Variants in ESYT3 observed in about 807,000 individuals in gnomAD.
The protein encoded by ESYT3 is extended synaptotagmin 3, also known as extended synaptotagmin-3.
A neutral mutation model predicts 111.5 loss-of-function variants in ESYT3; 101 were observed. The observed-to-expected ratio is 0.91, with a 90% CI of 0.77 to 1.07. The LOEUF (loss-of-function observed/expected upper bound fraction) is 1.07, where lower values mean the gene tolerates loss of function less well. Ranked by LOEUF, ESYT3 falls within the 50% of genes least tolerant of loss-of-function variation. The pLI is 0.00. For synonymous variants in ESYT3, 416 were observed against 446.8 expected (o/e 0.93, Z 0.87); for missense variants, 1,097 against 1,109.4 (o/e 0.99, Z 0.16).
chr3:138,438,574 G>A (rs1369577462), intron 1 of ESYT3, among the ~76,000 whole-genome samples: 7 of 152,186 alleles, frequency 4.6e-5, no homozygotes, highest in African/African-American at 7.2e-5. Flanking sequence ...AGTCATGCAC[G>A]ACTTTCCTGC....
intron 18 of ESYT3, chr3:138,473,157 G>T (rs1485869337): frequency 1.5e-6 from 2 of 1,302,862 alleles, no homozygotes; most frequent in Non-Finnish European, 2.0e-6. Context: ...TTAATATGTA[G>T]AATTATGTAA....
intron 1 of ESYT3, among the ~76,000 whole-genome samples, chr3:138,436,556 A>G (rs1259409966): frequency 6.6e-6 from 1 of 152,198 alleles, no homozygotes; most frequent in East Asian, 1.9e-4. Context: ...TAGCTTACAT[A>G]TTTGGGGGAT....
intron 18 of ESYT3, chr3:138,473,209 A>T (rs2033322237): frequency 9.9e-7 from 1 of 1,014,900 alleles, no homozygotes; most frequent in Non-Finnish European, 1.3e-6. Flanking sequence ...TGGGCTTAGC[A>T]TGTTACCTGA....
rs752988698 is a variant in ESYT3 at position 138,470,849 on chromosome 3, CTT to C, written c.1591-27_1591-26del. On this transcript the variant is annotated intron_variant, in intron 16 of 22. Transcript: ENST00000389567. ...TGGAGTGGTGGGGCTTGGTTATCCT[CTT>C]GTTTTGTGACTGGACCACTGCCCAG... is the stretch of plus-strand genomic sequence containing the variant. The C allele has an allele frequency of 5.0e-6, 8 of 1,613,662 alleles. No homozygotes were observed. The East Asian group carries it at 1.1e-4, about 22-fold the overall frequency.
intron 16 of ESYT3, chr3:138,470,506 A>G (rs1277933447): frequency 4.5e-6 from 5 of 1,114,676 alleles, no homozygotes; most frequent in Non-Finnish European, 4.4e-6. Flanking sequence ...AGAGTAAGCA[A>G]AGAGAGGCAA....
chr3:138,471,313 T>G (rs2033209787), intron 17 of ESYT3, among the ~76,000 whole-genome samples: 1 of 152,220 alleles, frequency 6.6e-6, no homozygotes. Context: ...CAACTAAATA[T>G]TTCCCTTCTC....
chr3:138,435,223 C>T lies in ESYT3; in HGVS notation c.327+98C>T, dbSNP rs2030562198. 1.6e-6 allele frequency: 2 copies of T among 1,258,950 alleles called. No homozygotes were observed. Among genetic ancestry groups the T allele is most frequent in the East Asian group, 2.6e-5 (1 of 39,018 alleles). 78.0% of individuals were successfully genotyped at this position (1,258,950 alleles called of 1,614,324 possible). ...GGAGCTGGTGCGCGCAAACCCGAGGCAGGGCGGGAGCCCGGCGACCTGCAC... is the reference window on the plus strand; with the variant it reads ...GGAGCTGGTGCGCGCAAACCCGAGGTAGGGCGGGAGCCCGGCGACCTGCAC... On this transcript the variant is annotated intron_variant, in intron 1 of 22. Coordinates refer to ENST00000389567, the MANE Select transcript of ESYT3 (RefSeq NM_031913.5). This position sits in a 1 kb window ranked among gnomAD's most constrained non-coding sequence, Gnocchi z 4.8.
chr3:138,477,437 G>A lies in ESYT3; in HGVS notation c.*583G>A, dbSNP rs2033538635. ...GGATATTTGTTCTTTTATTTGACCT[G>A]GAGCTAAAAATGTATTTCCCTACTG... On this transcript the variant is annotated 3_prime_UTR_variant, in exon 23 of 23. Transcript: ENST00000389567. 1 of 152,374 alleles carries A rather than the reference G, an allele frequency of 6.6e-6. No homozygotes were observed. The highest frequency in any genetic ancestry group is 2.1e-4 in the South Asian group (1 of 4,836). 9.4% of individuals were successfully genotyped at this position (152,374 alleles called of 1,614,324 possible). A position where few individuals can be genotyped will look rare whatever the true frequency, so the allele number is the denominator to read the frequency against.
chr3:138,457,027 T>A (rs759541163), intron 3 of ESYT3, among the ~76,000 whole-genome samples: 9 of 152,170 alleles, frequency 5.9e-5, no homozygotes, highest in Non-Finnish European at 1.3e-4. Flanking sequence ...TGTCCCCTCC[T>A]GACCATCGTG....
intron 1 of ESYT3, among the ~76,000 whole-genome samples, chr3:138,449,841 CTTCA>C (rs978955591): frequency 2.0e-5 from 3 of 152,208 alleles, no homozygotes; most frequent in African/African-American, 7.2e-5. Flanking sequence ...AAGGGCCATG[CTTCA>C]TTCATTCATT....
At position 138,472,431 on chromosome 3, in the gene ESYT3, T is replaced by A. The variant is rs773784596; in HGVS notation, c.1809T>A (p.Pro603=). The A allele has an allele frequency of 1.2e-6, 2 of 1,614,140 alleles. No homozygotes were observed. Among genetic ancestry groups the A allele is most frequent in the East Asian group, 4.5e-5 (2 of 44,882 alleles). The part of the protein sequence containing the change: ...YTGPEALKKG[P]LLIKKVATNQ... ...GACCTGAAGCCCTAAAGAAAGGCCC[T>A]CTGCTCATCAAGAAAGTGGCTACCA... Residue 603 remains proline, a synonymous_variant, in exon 18 of 23, where the codon CCT becomes CCA. Coordinates refer to ENST00000389567, the MANE Select transcript of ESYT3 (RefSeq NM_031913.5).
At chr3:138,436,651 C>A (rs2030719576) in intron 1 of ESYT3, among the ~76,000 whole-genome samples, 1 of 152,204 alleles carries the variant, frequency 6.6e-6, no homozygotes. Context: ...CTGACTCCCA[C>A]AGACTTTGGT....
chr3:138,458,920 A>G (rs907476080), intron 4 of ESYT3, among the ~76,000 whole-genome samples: 10 of 152,182 alleles, frequency 6.6e-5, no homozygotes, highest in Admixed American at 6.5e-4. Context: ...TCTCATGGTC[A>G]GAGATGAGGA....
chr3:138,437,576 T>C (rs1241519592), intron 1 of ESYT3, among the ~76,000 whole-genome samples: 3 of 151,850 alleles, frequency 2.0e-5, no homozygotes, highest in African/African-American at 7.3e-5. Flanking sequence ...TGTGACAGGG[T>C]CAAGTTGAGG....
intron 1 of ESYT3, among the ~76,000 whole-genome samples, chr3:138,445,251 T>C (rs17673121): frequency 0.01 from 1,540 of 152,308 alleles, 14 homozygotes; most frequent in Non-Finnish European, 0.016. Flanking sequence ...GCTCAGTGAT[T>C]TTAGGGCTCA....
In ESYT3 at chr3:138,464,329, C is replaced by G. The variant is rs756242940; in HGVS notation, c.916-16C>G. ...CCAGGAAGCAGCTGTGAGCCCTGGG[C>G]TTGGACATTTTCCAGGGGGTGATCA... is the stretch of plus-strand genomic sequence containing the variant. On this transcript the variant is annotated splice_polypyrimidine_tract_variant and intron_variant, in intron 8 of 22. Coordinates refer to ENST00000389567, the MANE Select transcript of ESYT3 (RefSeq NM_031913.5). The G allele has an allele frequency of 3.1e-6, 5 of 1,613,490 alleles. No homozygotes were observed. The highest frequency in any genetic ancestry group is 3.4e-6 in the Non-Finnish European group (4 of 1,179,672).
intron 1 of ESYT3, among the ~76,000 whole-genome samples, chr3:138,444,169 C>T (rs2031367445): frequency 6.6e-6 from 1 of 152,174 alleles, no homozygotes; most frequent in African/African-American, 2.4e-5. Flanking sequence ...CTTGAAAATG[C>T]CTAAAAACAC....
intron 5 of ESYT3, 108 bp downstream of exon 5, chr3:138,459,361 TA>T: frequency 1.2e-6 from 1 of 819,250 alleles, no homozygotes; most frequent in Non-Finnish European, 1.8e-6. Context: ...GTGGCAACAC[TA>T]AACACAGAGG....
rs777781149 is a variant in ESYT3 at position 138,473,660 on chromosome 3, G to A, written c.2336+26G>A. ...GTAAAGGGATTCTAGGGCCAGGGAGGTCCTTTGGGAGCATCAGGTGACCAT... is the reference window on the plus strand; with the variant it reads ...GTAAAGGGATTCTAGGGCCAGGGAGATCCTTTGGGAGCATCAGGTGACCAT... On this transcript the variant is annotated intron_variant, in intron 19 of 22. Transcript: ENST00000389567. 3 of 1,600,602 alleles carry A rather than the reference G, an allele frequency of 1.9e-6. No homozygotes were observed. The South Asian group carries it at 3.3e-5, about 18-fold the overall frequency.
Sources: gnomAD v4.1 joint callset for allele counts (sites outside exome capture counted in the v4.1 genomes callset) on GRCh38, gnomAD v4.1.1 for gene constraint, Gnocchi (gnomAD v3.1) non-coding constraint, MANE v1.5 for transcripts, NCBI Gene and HGNC (gene_info 2026-07-23, HGNC 2026-07-21) for gene names.